Variants in CSMD3 observed in about 807,000 individuals in gnomAD.
CSMD3 encodes CUB and sushi domain-containing protein 3.
Under a neutral mutation model 435.2 loss-of-function variants are expected in CSMD3, and 177 were observed. That is an observed-to-expected ratio of 0.41 (90% confidence interval 0.36 to 0.46). The LOEUF (loss-of-function observed/expected upper bound fraction) is 0.46. Ranked by LOEUF, CSMD3 falls within the 20% of genes least tolerant of loss-of-function variation. The pLI, the probability that CSMD3 is intolerant of heterozygous loss-of-function variation, is 0.34. For missense variants in CSMD3, 4,265 were observed against 4,504.6 expected, an observed-to-expected ratio of 0.95 and a Z score of 1.52; for synonymous variants, 1,656 against 1,520.5, an observed-to-expected ratio of 1.09 and a Z score of -2.07.
chr8:112,987,937 A>G (rs2085314370), intron 6 of CSMD3, among the ~76,000 whole-genome samples: 1 of 151,880 alleles, frequency 6.6e-6, no homozygotes, highest in Non-Finnish European at 1.5e-5. Flanking sequence ...AATGATGGGG[A>G]GGTGTTAGAG....
chr8:112,462,997 G>A (rs1817606889), intron 32 of CSMD3, among the ~76,000 whole-genome samples: 1 of 152,154 alleles, frequency 6.6e-6, no homozygotes, highest in Admixed American at 6.5e-5. Context: ...GCTCTCCCTA[G>A]AAAGTCTCAT....
At chr8:112,637,033 G>A (rs201284626) in intron 21 of CSMD3, 28 bp from the exon 22 acceptor site, 55 of 1,575,084 alleles carry the variant, frequency 3.5e-5, no homozygotes, top group East Asian at 3.1e-4. Context: ...AAATTTCCCC[G>A]CGGGGGAGGA....
intron 1 of CSMD3, among the ~76,000 whole-genome samples, chr8:113,406,029 T>C (rs1340133686): frequency 6.6e-6 from 1 of 151,766 alleles, no homozygotes; most frequent in African/African-American, 2.4e-5. Context: ...TGATAAATCA[T>C]AAGGATAAGA....
At chr8:112,495,999 T>A (rs1212083282) in intron 30 of CSMD3, among the ~76,000 whole-genome samples, 1 of 151,878 alleles carries the variant, frequency 6.6e-6, no homozygotes, top group African/African-American at 2.4e-5. Flanking sequence ...ACGTCTTAAT[T>A]TTTTTTGTAG....
intron 1 of CSMD3, among the ~76,000 whole-genome samples, chr8:113,412,809 TA>T (rs11410595): frequency 2.7e-5 from 4 of 150,570 alleles, no homozygotes; most frequent in African/African-American, 4.9e-5. Context: ...ATGTTACAGG[TA>T]AAAAAAAACA....
At chr8:112,385,435 G>C (rs1025414828) in intron 36 of CSMD3, among the ~76,000 whole-genome samples, 2 of 152,194 alleles carry the variant, frequency 1.3e-5, no homozygotes, top group Non-Finnish European at 2.9e-5. Flanking sequence ...TAGCAACTAT[G>C]CACTTCAAGA....
At chr8:112,649,080 C>T (rs10955630) in intron 19 of CSMD3, among the ~76,000 whole-genome samples, 4,836 of 152,178 alleles carry the variant, frequency 0.032, 234 homozygotes, top group African/African-American at 0.094. Context: ...ATTCCTCATA[C>T]GGAAAAAGCC....
chr8:113,101,095 T>C (rs1455834804), intron 4 of CSMD3, among the ~76,000 whole-genome samples: 1 of 152,156 alleles, frequency 6.6e-6, no homozygotes, highest in African/African-American at 2.4e-5. Context: ...CTAAGGGCTT[T>C]GACAGACAAT....
chr8:112,650,270 A>G lies in CSMD3; in HGVS notation c.3084T>C (p.Ile1028=). 6.2e-7 allele frequency: 1 copy of G among 1,613,856 alleles called. No individual in the cohort carries two copies. The highest frequency in any genetic ancestry group is 1.3e-5 in the African/African-American group (1 of 75,024). The change falls in exon 19 of 71, where the codon ATT becomes ATC. Residue 1028 remains isoleucine (I), a synonymous_variant. Coordinates refer to ENST00000297405, the MANE Select transcript of CSMD3 (RefSeq NM_198123.2). ...CACAACTAAATGAAACAGTAGAGCC[A>G]ATGGAGAAATCATGACCATAGCGAC... ...HGRRYGHDFS[I]GSTVSFSCDS... is the part of the protein sequence containing the mutation.
chr8:112,372,456 A>G (rs1359823164), intron 38 of CSMD3, among the ~76,000 whole-genome samples: 1 of 152,178 alleles, frequency 6.6e-6, no homozygotes, highest in Non-Finnish European at 1.5e-5. Flanking sequence ...TTTATCTGAT[A>G]TAATTGATAG....
chr8:113,219,074 C>G (rs2132119511), intron 3 of CSMD3, among the ~76,000 whole-genome samples: 1 of 151,348 alleles, frequency 6.6e-6, no homozygotes, highest in East Asian at 2.0e-4. Flanking sequence ...TGGATATTTC[C>G]TTAATGTAAT....
intron 7 of CSMD3, among the ~76,000 whole-genome samples, chr8:112,974,390 C>A (rs1033763105): frequency 1.3e-5 from 2 of 151,772 alleles, no homozygotes; most frequent in African/African-American, 4.8e-5. Context: ...CAGAAATTAT[C>A]CTCCTTCTAT....
intron 5 of CSMD3, among the ~76,000 whole-genome samples, chr8:113,021,339 A>G (rs1012746795): frequency 1.3e-5 from 2 of 152,204 alleles, no homozygotes; most frequent in African/African-American, 4.8e-5. Flanking sequence ...GTGAAAAACT[A>G]TTTGGATTTG....
At chr8:112,826,294 C>T (rs1231221401) in intron 12 of CSMD3, among the ~76,000 whole-genome samples, 3 of 152,156 alleles carry the variant, frequency 2.0e-5, no homozygotes, top group African/African-American at 7.2e-5. Flanking sequence ...TGTTGGCTAC[C>T]AACCCTCCCC....
intron 1 of CSMD3, among the ~76,000 whole-genome samples, chr8:113,331,560 A>T (rs2132772525): frequency 6.6e-6 from 1 of 151,908 alleles, no homozygotes; most frequent in Admixed American, 6.6e-5. Context: ...TGAATTCAGC[A>T]AAATAAAAAA....
intron 3 of CSMD3, among the ~76,000 whole-genome samples, chr8:113,241,127 G>A (rs977212115): frequency 2.0e-5 from 3 of 151,962 alleles, no homozygotes; most frequent in African/African-American, 7.2e-5. Context: ...CAGGCTTCTA[G>A]GGCAGATGAC....
intron 1 of CSMD3, among the ~76,000 whole-genome samples, chr8:113,322,939 T>C (rs2093958953): frequency 6.6e-6 from 1 of 152,100 alleles, no homozygotes; most frequent in Non-Finnish European, 1.5e-5. Context: ...AGAGACAAGG[T>C]TTCACTATGC....
chr8:112,448,889 T>C (rs1024366206), intron 32 of CSMD3, among the ~76,000 whole-genome samples: 3 of 152,014 alleles, frequency 2.0e-5, no homozygotes, highest in Non-Finnish European at 2.9e-5. Flanking sequence ...CAGGCCAAAG[T>C]GCTAGAAAGT....
intron 4 of CSMD3, among the ~76,000 whole-genome samples, chr8:113,155,909 G>T (rs147546633): frequency 1.3e-5 from 2 of 152,148 alleles, no homozygotes; most frequent in African/African-American, 4.8e-5. Flanking sequence ...TTGGAAGGTG[G>T]ATACAGGAAG....
Sources: allele counts gnomAD v4.1 joint callset (sites outside exome capture counted in the v4.1 genomes callset), GRCh38; gene constraint gnomAD v4.1.1; transcripts MANE v1.5; gene names NCBI Gene and HGNC (gene_info 2026-07-23, HGNC 2026-07-21).